The following UBE3C variants were observed in gnomAD, a reference collection of about 807,000 sequenced individuals.
The protein encoded by UBE3C is ubiquitin-protein ligase E3C.
UBE3C carries 42 observed loss-of-function variants against 129.4 expected under a neutral mutation model. The ratio of observed to expected loss-of-function variants is 0.32; its 90% CI spans 0.25 to 0.42. The LOEUF (loss-of-function observed/expected upper bound fraction) is 0.42, where lower values mean the gene tolerates loss of function less well. UBE3C is among the 10% of genes least tolerant of loss of function. The pLI is 1.00. For missense variants in UBE3C, 1,049 were observed against 1,319.1 expected, an observed-to-expected ratio of 0.80 and a Z score of 3.17; for synonymous variants, 510 against 492.4, an observed-to-expected ratio of 1.04 and a Z score of -0.47.
intron 4 of UBE3C, among the ~76,000 whole-genome samples, chr7:157,172,639 G>A (rs995133480): frequency 2.2e-4 from 34 of 152,208 alleles, no homozygotes; most frequent in African/African-American, 8.2e-4. Flanking sequence ...AGTGAAAGCC[G>A]TTGAATCTAC....
rs200731607 is a variant in UBE3C, at chr7:157,261,298, C to A, written c.3081+4254C>A. On this transcript the variant is annotated intron_variant, in intron 22 of 22. Transcript: ENST00000348165. ...TCCAGCCTGGGCAACAAGAGCAAAA[C>A]TCTGTCTGAAAAAAAAAAAAAAAAA... Among the ~76,000 whole-genome samples the A allele has an allele frequency of 1.7e-4, 12 of 71,906 alleles. No individual in the cohort carries two copies. The East Asian group carries it at 5.2e-3, about 31-fold the overall frequency. The allele number at this position is 71,906 out of a possible 152,430, so 47.2% of individuals were successfully genotyped here.
At chr7:157,177,887 C>T (rs181211369) in intron 5 of UBE3C, among the ~76,000 whole-genome samples, 1 of 151,542 alleles carries the variant, frequency 6.6e-6, no homozygotes, top group Admixed American at 6.6e-5. Flanking sequence ...AAACAGCCTC[C>T]TGGGTCCCTC....
rs372614185 is a variant in UBE3C, at chr7:157,220,758, C to T, written c.1984C>T (p.Leu662=). 2.5e-6 allele frequency: 4 copies of T among 1,614,050 alleles called. No homozygotes were observed. The highest frequency in any genetic ancestry group is 1.3e-5 in the African/African-American group (1 of 74,944). Residue 662 remains leucine, a synonymous_variant, in exon 15 of 23, where the codon CTG becomes TTG. Transcript: ENST00000348165. ...RFRRMGRIGP[L]QSTLDVGLES... The stretch of plus-strand genomic sequence containing the variant: ...CCGGCGGATGGGGAGGATAGGCCCG[C>T]TGCAGTCCACCCTGGACGGTGAGTT...
chr7:157,261,376 C>G (rs1341958289), intron 22 of UBE3C, among the ~76,000 whole-genome samples: 1 of 146,530 alleles, frequency 6.8e-6, no homozygotes, highest in East Asian at 2.0e-4. Context: ...CTACCCCAGT[C>G]AAGACCCCGC....
At chr7:157,247,985 C>A (rs1196790165) in intron 18 of UBE3C, among the ~76,000 whole-genome samples, 1 of 152,156 alleles carries the variant, frequency 6.6e-6, no homozygotes, top group Admixed American at 6.5e-5. Context: ...TTTTCAGTCT[C>A]GCAGTGTGTG....
At chr7:157,261,451 T>A (rs1796912777) in intron 22 of UBE3C, among the ~76,000 whole-genome samples, 1 of 151,448 alleles carries the variant, frequency 6.6e-6, no homozygotes, top group Non-Finnish European at 1.5e-5. Context: ...CTTACTGTTT[T>A]TTTTATTTTT....
chr7:157,211,419 G>T (rs773015176), intron 13 of UBE3C, among the ~76,000 whole-genome samples: 7 of 152,008 alleles, frequency 4.6e-5, no homozygotes, highest in Non-Finnish European at 1.0e-4. Flanking sequence ...TTTGTTTTTT[G>T]ACTACTAAAG....
At chr7:157,250,469 G>A (rs1796594865) in intron 19 of UBE3C, among the ~76,000 whole-genome samples, 1 of 151,650 alleles carries the variant, frequency 6.6e-6, no homozygotes, top group South Asian at 2.1e-4. Flanking sequence ...TTACAGGCAT[G>A]AGCCACCATT....
chr7:157,217,655 C>T (rs1207164332), intron 14 of UBE3C, among the ~76,000 whole-genome samples: 5 of 151,770 alleles, frequency 3.3e-5, no homozygotes, highest in Admixed American at 6.6e-5. Context: ...GCCAACATGG[C>T]GAAACCCTGT....
chr7:157,263,917 G>A (rs1403876972), intron 22 of UBE3C, among the ~76,000 whole-genome samples: 1 of 151,944 alleles, frequency 6.6e-6, no homozygotes, highest in Non-Finnish European at 1.5e-5. Flanking sequence ...ACATGAGTGT[G>A]TGTTAATGTA....
rs894977567 is a variant in UBE3C, at chr7:157,183,786, C to T, written c.992-92C>T. 8 of 1,441,468 alleles carry T rather than the reference C, an allele frequency of 5.5e-6. No individual in the cohort carries two copies. In the East Asian group the frequency reaches 1.6e-4, roughly 29 times the overall value. 89.3% of individuals were successfully genotyped at this position (1,441,468 alleles called of 1,614,324 possible). A position where few individuals can be genotyped will look rare whatever the true frequency, so the allele number is the denominator to read the frequency against. On this transcript the variant is annotated intron_variant, in intron 8 of 22. Transcript: ENST00000348165. ...AAAAATAAGATCTGGTCAGAAATGCCTCTCTGCGTGTGAGGAAAAATGGCG... is the reference window on the plus strand; with the variant it reads ...AAAAATAAGATCTGGTCAGAAATGCTTCTCTGCGTGTGAGGAAAAATGGCG...
rs144642146 is a variant in UBE3C at position 157,239,483 on chromosome 7, T to G, written c.2481+8156T>G. Among the ~76,000 whole-genome samples the G allele has an allele frequency of 4.2e-3, 633 of 152,264 alleles. 2 individuals carry two copies. The highest frequency in any genetic ancestry group is 0.014 in the African/African-American group (587 of 41,544). ...AGGGGGCTTCCAAGGTGCTAGGCAT[T>G]TTCTGCGCTGTGGACTAAGTGCTTT... On this transcript the variant is annotated intron_variant, in intron 18 of 22. Transcript: ENST00000348165.
chr7:157,237,912 C>T (rs1796194750), intron 18 of UBE3C, among the ~76,000 whole-genome samples: 1 of 150,822 alleles, frequency 6.6e-6, no homozygotes, highest in Admixed American at 6.6e-5. Context: ...AGTAGCCAGG[C>T]ATGGTGGTGT....
chr7:157,193,751 C>T (rs1355399104), intron 10 of UBE3C, among the ~76,000 whole-genome samples: 1 of 151,618 alleles, frequency 6.6e-6, no homozygotes, highest in African/African-American at 2.4e-5. Flanking sequence ...AATGACTGAC[C>T]TCACACATGG....
At chr7:157,245,449 C>G (rs1796448172) in intron 18 of UBE3C, among the ~76,000 whole-genome samples, 1 of 152,200 alleles carries the variant, frequency 6.6e-6, no homozygotes, top group Admixed American at 6.5e-5. Flanking sequence ...CGAAGTGATG[C>G]CGTTTATCAG....
At chr7:157,256,890 A>C in intron 21 of UBE3C, 24 bp from the exon 22 acceptor site, 5 of 1,613,462 alleles carry the variant, frequency 3.1e-6, no homozygotes, top group Non-Finnish European at 4.2e-6. Context: ...GCATTTCATA[A>C]AGCATGTGTT....
intron 22 of UBE3C, 148 bp downstream of exon 22, chr7:157,257,192 A>T (rs1347177399): frequency 8.5e-7 from 1 of 1,176,160 alleles, no homozygotes; most frequent in Admixed American, 3.1e-5. Flanking sequence ...GTTATGATGT[A>T]TATATTTTGG....
intron 9 of UBE3C, among the ~76,000 whole-genome samples, chr7:157,186,466 G>A (rs1808808929): frequency 6.6e-6 from 1 of 151,634 alleles, no homozygotes; most frequent in Non-Finnish European, 1.5e-5. Context: ...CTTAAACTGT[G>A]ATCTCAAATT....
intron 10 of UBE3C, among the ~76,000 whole-genome samples, chr7:157,191,698 T>C (rs1362754245): frequency 6.6e-6 from 1 of 152,232 alleles, no homozygotes; most frequent in Non-Finnish European, 1.5e-5. Flanking sequence ...ATTTATAGCT[T>C]CATATCTTAT....
Sources: allele counts gnomAD v4.1 joint callset (sites outside exome capture counted in the v4.1 genomes callset), GRCh38; gene constraint gnomAD v4.1.1; transcripts MANE v1.5; gene names NCBI Gene and HGNC (gene_info 2026-07-23, HGNC 2026-07-21).